The following CACHD1 variants were observed in gnomAD, a reference collection of about 807,000 sequenced individuals.
CACHD1 encodes the protein VWFA and cache domain-containing protein 1.
CACHD1 carries 71 observed loss-of-function variants against 138.7 expected under a neutral mutation model. The observed-to-expected ratio is 0.51, with a 90% CI of 0.42 to 0.62. CACHD1 has a LOEUF of 0.62. Ranked by LOEUF, CACHD1 falls within the 20% of genes least tolerant of loss-of-function variation. The pLI, the probability that CACHD1 is intolerant of heterozygous loss-of-function variation, is 0.00. For synonymous variants in CACHD1, 578 were observed against 591.5 expected (o/e 0.98, Z 0.33); for missense variants, 1,389 against 1,625.3 (o/e 0.85, Z 2.50).
intron 16 of CACHD1, among the ~76,000 whole-genome samples, chr1:64,667,076 G>A (rs1001656557): frequency 6.6e-6 from 1 of 152,096 alleles, no homozygotes; most frequent in Non-Finnish European, 1.5e-5. Context: ...TATTTAGAGT[G>A]CTTTATGCTT....
At chr1:64,654,294 A>G (rs1649194557) in intron 11 of CACHD1, among the ~76,000 whole-genome samples, 1 of 152,226 alleles carries the variant, frequency 6.6e-6, no homozygotes, top group African/African-American at 2.4e-5. Flanking sequence ...AGTTGACAGC[A>G]CAATCTTATA....
chr1:64,525,983 T>C (rs1166921328), intron 1 of CACHD1, among the ~76,000 whole-genome samples: 1 of 152,224 alleles, frequency 6.6e-6, no homozygotes, highest in African/African-American at 2.4e-5. Context: ...ATTGAATCCA[T>C]ATTAAGTGCT....
chr1:64,527,811 A>G (rs1423535427), intron 1 of CACHD1, among the ~76,000 whole-genome samples: 2 of 152,196 alleles, frequency 1.3e-5, no homozygotes, highest in African/African-American at 4.8e-5. Context: ...CTGTGATCTT[A>G]GAGTACTTGC....
At chr1:64,655,865 G>A (rs1367775771) in intron 12 of CACHD1, among the ~76,000 whole-genome samples, 1 of 152,130 alleles carries the variant, frequency 6.6e-6, no homozygotes, top group Admixed American at 6.5e-5. Context: ...GATTTTTCTT[G>A]GATGGACAAA....
rs1197140097 is a variant in CACHD1, at chr1:64,642,058, GT to G, written c.1156+90del. 5 of 1,220,648 alleles carry G rather than the reference GT, an allele frequency of 4.1e-6. No homozygotes were observed. In the Admixed American group the frequency reaches 1.5e-4, roughly 36 times the overall value. 75.6% of individuals were successfully genotyped at this position (1,220,648 alleles called of 1,614,324 possible). On this transcript the variant is annotated intron_variant, in intron 8 of 26. Coordinates refer to ENST00000651257, the MANE Select transcript of CACHD1 (RefSeq NM_020925.4). ...AAAGAAGAAAAAGAATCATAACAGT[GT>G]GCTTGGATGAAGGCTACGGGAAAAG...
At chr1:64,605,454 G>A (rs1261743909) in intron 4 of CACHD1, among the ~76,000 whole-genome samples, 4 of 151,624 alleles carry the variant, frequency 2.6e-5, no homozygotes, top group Admixed American at 6.6e-5. Context: ...TATAATCAGG[G>A]AAAAAATAAA....
intron 1 of CACHD1, among the ~76,000 whole-genome samples, chr1:64,479,308 T>A (rs893750994): frequency 2.0e-5 from 3 of 152,162 alleles, no homozygotes; most frequent in Admixed American, 6.5e-5. Flanking sequence ...ATGTAATGAA[T>A]GTTATGAGAG....
intron 1 of CACHD1, among the ~76,000 whole-genome samples, chr1:64,544,315 T>C (rs937738137): frequency 5.3e-5 from 8 of 152,250 alleles, no homozygotes; most frequent in Non-Finnish European, 1.0e-4. Context: ...TATTCTGCTG[T>C]AGCATTCATT....
At chr1:64,612,109 C>T (rs1441546988) in intron 4 of CACHD1, among the ~76,000 whole-genome samples, 1 of 152,042 alleles carries the variant, frequency 6.6e-6, no homozygotes, top group African/African-American at 2.4e-5. Context: ...GGAAACTGCC[C>T]CCATGATCCA....
rs72673321 is a variant in CACHD1, at chr1:64,510,913, G to T, written c.199-39681G>T. On this transcript the variant is annotated intron_variant, in intron 1 of 26. Coordinates refer to ENST00000651257, the MANE Select transcript of CACHD1 (RefSeq NM_020925.4). Reference sequence around the variant, plus strand: ...TTATTCCTGGAGGTTGTAATGAGGGGAATATCTATGGGATTAATATGGCTG... The same window carrying T: ...TTATTCCTGGAGGTTGTAATGAGGGTAATATCTATGGGATTAATATGGCTG... Among the ~76,000 whole-genome samples, 1,432 of 152,276 alleles carry T rather than the reference G, an allele frequency of 9.4e-3. 15 individuals are homozygous for T. The highest frequency in any genetic ancestry group is 0.016 in the Non-Finnish European group (1,090 of 68,038).
At chr1:64,588,954 G>A (rs1208602578) in intron 3 of CACHD1, among the ~76,000 whole-genome samples, 1 of 152,162 alleles carries the variant, frequency 6.6e-6, no homozygotes, top group African/African-American at 2.4e-5. Context: ...GTTAGAACTG[G>A]CATTAAGGCA....
intron 12 of CACHD1, among the ~76,000 whole-genome samples, chr1:64,655,233 A>G (rs943213326): frequency 7.2e-5 from 11 of 152,082 alleles, no homozygotes; most frequent in African/African-American, 2.7e-4. Context: ...CACCAAAACT[A>G]TCTACTTCCT....
At chr1:64,553,028 T>C (rs1646771597) in intron 2 of CACHD1, among the ~76,000 whole-genome samples, 1 of 152,228 alleles carries the variant, frequency 6.6e-6, no homozygotes, top group Non-Finnish European at 1.5e-5. Flanking sequence ...CAAATAGATC[T>C]GTGTCTGTTG....
chr1:64,654,493 A>T (rs1649199699), intron 11 of CACHD1, among the ~76,000 whole-genome samples, 193 bp from the exon 12 acceptor site: 1 of 152,180 alleles, frequency 6.6e-6, no homozygotes, highest in African/African-American at 2.4e-5. Context: ...AGAGTAAGGG[A>T]TGTTTTTAAT....
Position 64,476,533 on chromosome 1 carries a change from A to G in CACHD1, c.198+5591A>G, listed in dbSNP as rs575798593. Among the ~76,000 whole-genome samples the G allele has an allele frequency of 2.6e-4, 40 of 152,366 alleles. No individual in the cohort carries two copies. The South Asian group carries it at 6.6e-3, about 25-fold the overall frequency. ...TGATTCTACGCCTTGTGTACCATAT[A>G]AGCCTTAGTGGAAAAACTGCTGTGT... On this transcript the variant is annotated intron_variant, in intron 1 of 26. Transcript: ENST00000651257.
intron 2 of CACHD1, among the ~76,000 whole-genome samples, chr1:64,566,489 C>CCCG (rs1491117903): frequency 7.0e-6 from 1 of 143,092 alleles, no homozygotes; most frequent in Non-Finnish European, 1.6e-5. Context: ...TCCCCCCCCC[C>CCCG]CACAAGGTAT....
intron 1 of CACHD1, among the ~76,000 whole-genome samples, chr1:64,535,796 G>C (rs1646628200): frequency 6.6e-6 from 1 of 152,160 alleles, no homozygotes; most frequent in African/African-American, 2.4e-5. Flanking sequence ...TACACATGCT[G>C]ACCTCCCCTG....
rs550509470 is a variant in CACHD1, at chr1:64,515,052, C to T, written c.199-35542C>T. The stretch of plus-strand genomic sequence containing the variant: ...TGCCATCCATGTGATTTTGGTCATA[C>T]TGCATACAGTATTGGATTATTTAGG... On this transcript the variant is annotated intron_variant, in intron 1 of 26. Coordinates refer to ENST00000651257, the MANE Select transcript of CACHD1 (RefSeq NM_020925.4). 2.0e-5 allele frequency among the ~76,000 whole-genome samples: 3 copies of T among 152,166 alleles called. No homozygotes were observed. The South Asian group carries it at 6.2e-4, about 32-fold the overall frequency.
chr1:64,677,184 GTACCATATGTTAGTAGCCTCA>G (rs772476780), intron 22 of CACHD1, among the ~76,000 whole-genome samples, 173 bp downstream of exon 22: 6 of 152,252 alleles, frequency 3.9e-5, no homozygotes, highest in Non-Finnish European at 7.4e-5. Flanking sequence ...TTTAGCGTGT[GTACCATATGTTAGTAGCCTCA>G]TCTGTGAATG....
Sources: gnomAD v4.1 joint callset for allele counts (sites outside exome capture counted in the v4.1 genomes callset) on GRCh38, gnomAD v4.1.1 for gene constraint, MANE v1.5 for transcripts, NCBI Gene and HGNC (gene_info 2026-07-23, HGNC 2026-07-21) for gene names.